Variants in SRP68 observed in about 807,000 individuals in gnomAD.
The protein encoded by SRP68 is signal recognition particle 68.
In SRP68, 15 loss-of-function variants were observed where a neutral mutation model predicts 82.2. The observed-to-expected ratio is 0.18, with a 90% confidence interval of 0.12 to 0.28. The LOEUF is 0.28. Among genes scored for constraint, SRP68 ranks in the 10% least tolerant of loss-of-function variants. The probability of loss-of-function intolerance (pLI) is 1.00; values close to 1 mark genes in which losing one functional copy is unlikely to be tolerated. For missense variants in SRP68, 595 were observed against 780.5 expected, an observed-to-expected ratio of 0.76 and a Z score of 2.83; for synonymous variants, 261 against 292.6, an observed-to-expected ratio of 0.89 and a Z score of 1.10.
At chr17:76,055,113 C>T (rs2066703438) in intron 8 of SRP68, among the ~76,000 whole-genome samples, 1 of 151,654 alleles carries the variant, frequency 6.6e-6, no homozygotes, top group African/African-American at 2.4e-5. Context: ...TCTACCACCA[C>T]ACCCGGCTAA....
At chr17:76,046,567 G>A (rs1012752584) in intron 10 of SRP68, among the ~76,000 whole-genome samples, 1 of 151,272 alleles carries the variant, frequency 6.6e-6, no homozygotes, top group Non-Finnish European at 1.5e-5. Flanking sequence ...AGTGAGCTAC[G>A]ATCACACCAC....
intron 4 of SRP68, among the ~76,000 whole-genome samples, chr17:76,062,761 ATAT>A (rs1373350590): frequency 1.9e-4 from 15 of 79,754 alleles, no homozygotes; most frequent in South Asian, 6.3e-4. Context: ...ATATATATAT[ATAT>A]AAAATATATA....
intron 7 of SRP68, 112 bp from the exon 8 acceptor site, chr17:76,057,655 A>G: frequency 1.7e-6 from 2 of 1,205,054 alleles, no homozygotes; most frequent in Non-Finnish European, 1.2e-6. Context: ...ATTATACTCC[A>G]TAGAAAGTAG....
chr17:76,054,403 G>GA (rs1198652268), intron 8 of SRP68, among the ~76,000 whole-genome samples: 3 of 151,788 alleles, frequency 2.0e-5, no homozygotes, highest in Admixed American at 6.6e-5. Flanking sequence ...TGAGGTTTAG[G>GA]AAAAAAATAC....
intron 2 of SRP68, among the ~76,000 whole-genome samples, chr17:76,067,708 C>T (rs536550286): frequency 2.0e-5 from 3 of 152,242 alleles, no homozygotes; most frequent in Non-Finnish European, 2.9e-5. Context: ...TCCAGCAATC[C>T]GCCCACCCCA....
chr17:76,066,731 CT>C (rs556018212), intron 3 of SRP68, among the ~76,000 whole-genome samples: 334 of 140,610 alleles, frequency 2.4e-3, no homozygotes, highest in Admixed American at 2.5e-3. Context: ...TCACCCCCTC[CT>C]TTTTTTTTTT....
chr17:76,043,669 C>T (rs1268977088), intron 13 of SRP68, 160 bp downstream of exon 13: 2 of 603,152 alleles, frequency 3.3e-6, no homozygotes, highest in South Asian at 2.8e-5. Flanking sequence ...ATGAGTGACA[C>T]AGCCTGCAGC....
In SRP68 at chr17:76,072,245, C is replaced by T. The variant is rs947674263; in HGVS notation, c.184+63G>A. On this transcript the variant is annotated intron_variant, in intron 1 of 15. Coordinates refer to ENST00000307877, the MANE Select transcript of SRP68 (RefSeq NM_014230.4). This position sits in a 1 kb window ranked among gnomAD's most constrained non-coding sequence, Gnocchi z 4.5. ...ACTTGTCGGGACCCGCCGCCTCTCC[C>T]GCCCCCAGCCCTCCAGTTCGACACG... 185 of 1,600,240 alleles carry T rather than the reference C, an allele frequency of 1.2e-4. No homozygotes were observed. The highest frequency in any genetic ancestry group is 1.5e-4 in the Non-Finnish European group (177 of 1,176,208).
chr17:76,051,092 C>T (rs2066668976), intron 8 of SRP68, among the ~76,000 whole-genome samples: 1 of 152,190 alleles, frequency 6.6e-6, no homozygotes, highest in African/African-American at 2.4e-5. Flanking sequence ...AGACAGTTCT[C>T]CTAAATATCA....
intron 4 of SRP68, among the ~76,000 whole-genome samples, chr17:76,061,941 T>C (rs887622177): frequency 2.0e-5 from 3 of 151,064 alleles, no homozygotes; most frequent in African/African-American, 7.3e-5. Flanking sequence ...GAGTTCAAGA[T>C]CGGCCTGGGC....
intron 10 of SRP68, among the ~76,000 whole-genome samples, chr17:76,047,654 T>G (rs2066641315): frequency 6.6e-6 from 1 of 151,728 alleles, no homozygotes; most frequent in South Asian, 2.1e-4. Flanking sequence ...GATGTAGTGG[T>G]GCATGCCTGT....
At chr17:76,042,266 C>G (rs968484818) in intron 13 of SRP68, among the ~76,000 whole-genome samples, 1 of 152,034 alleles carries the variant, frequency 6.6e-6, no homozygotes, top group African/African-American at 2.4e-5. Context: ...AAGTTCTATA[C>G]CATCACAGCA....
intron 3 of SRP68, among the ~76,000 whole-genome samples, chr17:76,064,871 A>G (rs1232033788): frequency 1.3e-5 from 2 of 150,188 alleles, no homozygotes; most frequent in Non-Finnish European, 3.0e-5. Context: ...GAGGCAGTAT[A>G]TTAAAGTGGT....
At chr17:76,059,387 C>T (rs922450552) in intron 7 of SRP68, among the ~76,000 whole-genome samples, 2 of 151,878 alleles carry the variant, frequency 1.3e-5, no homozygotes, top group Non-Finnish European at 2.9e-5. Flanking sequence ...TACTAAAATA[C>T]AAAAATTAGC....
At chr17:76,042,179 C>T (rs567236377) in intron 13 of SRP68, among the ~76,000 whole-genome samples, 16 of 152,124 alleles carry the variant, frequency 1.1e-4, no homozygotes, top group Non-Finnish European at 1.9e-4. Flanking sequence ...CCACGGTGCC[C>T]GGCCCCTGCT....
Position 76,046,021 on chromosome 17 carries a change from C to A in SRP68, c.1299+17G>T, listed in dbSNP as rs371492399. On this transcript the variant is annotated intron_variant, in intron 11 of 15. Coordinates refer to ENST00000307877, the MANE Select transcript of SRP68 (RefSeq NM_014230.4). ...GGAAAACCACAGGCCCTTGCCTTCC[C>A]GGTCCTCAAGGGTCACCTGTAAGAT... is the stretch of plus-strand genomic sequence containing the variant. 6 of 1,613,368 alleles carry A rather than the reference C, an allele frequency of 3.7e-6. No individual in the cohort carries two copies. The South Asian group carries it at 6.6e-5, about 18-fold the overall frequency.
intron 4 of SRP68, among the ~76,000 whole-genome samples, chr17:76,063,642 C>T (rs557413499): frequency 2.7e-5 from 4 of 147,902 alleles, no homozygotes; most frequent in East Asian, 2.0e-4. Flanking sequence ...GAGCTGAGAA[C>T]GCGCCACTGC....
chr17:76,060,885 G>A (rs1310488997), intron 6 of SRP68: 4 of 520,774 alleles, frequency 7.7e-6, no homozygotes, highest in African/African-American at 1.9e-5. Context: ...CTCTTCGGGG[G>A]TACACAGCAC....
chr17:76,046,583 T>C (rs2066633660), intron 10 of SRP68, among the ~76,000 whole-genome samples: 1 of 150,582 alleles, frequency 6.6e-6, no homozygotes, highest in South Asian at 2.1e-4. Context: ...ACCACTGCAC[T>C]CCAGCCCGAG....
Sources: gnomAD v4.1 joint callset for allele counts (sites outside exome capture counted in the v4.1 genomes callset) on GRCh38, gnomAD v4.1.1 for gene constraint, Gnocchi (gnomAD v3.1) non-coding constraint, MANE v1.5 for transcripts, NCBI Gene and HGNC (gene_info 2026-07-23, HGNC 2026-07-21) for gene names.